MTUS1: variants seen among roughly 807,000 people sequenced by gnomAD.
MTUS1 encodes the protein microtubule-associated tumor suppressor 1.
A neutral mutation model predicts 120.8 loss-of-function variants in MTUS1; 109 were observed. That is an observed-to-expected ratio of 0.90 (90% confidence interval 0.77 to 1.06). The LOEUF is 1.06. Among genes scored for constraint, MTUS1 ranks in the 50% least tolerant of loss-of-function variants. The pLI, the probability that MTUS1 is intolerant of heterozygous loss-of-function variation, is 0.00. For missense variants in MTUS1, 2,210 were observed against 1,486.3 expected (o/e 1.49, Z -8.01); for synonymous variants, 737 against 550.5 (o/e 1.34, Z -4.74).
chr8:17,740,135 G>A (rs748810388), intron 3 of MTUS1, among the ~76,000 whole-genome samples: 2 of 152,018 alleles, frequency 1.3e-5, no homozygotes, highest in Non-Finnish European at 2.9e-5. Flanking sequence ...TTGAACCCAG[G>A]AGGCGGAGGT....
intron 7 of MTUS1, among the ~76,000 whole-genome samples, chr8:17,678,188 C>G (rs1289597968): frequency 6.6e-6 from 1 of 152,172 alleles, no homozygotes; most frequent in Non-Finnish European, 1.5e-5. Context: ...TGTACTTACC[C>G]TTTACTTGTA....
At chr8:17,719,547 G>A (rs942619717) in intron 4 of MTUS1, among the ~76,000 whole-genome samples, 2 of 152,202 alleles carry the variant, frequency 1.3e-5, no homozygotes, top group East Asian at 1.9e-4. Flanking sequence ...ATTCAGAAGT[G>A]CGTAAGTACT....
At chr8:17,737,230 G>A (rs1395260867) in intron 3 of MTUS1, among the ~76,000 whole-genome samples, 2 of 152,160 alleles carry the variant, frequency 1.3e-5, no homozygotes, top group African/African-American at 2.4e-5. Context: ...CTTTGGACAC[G>A]TTACTGAAGC....
At chr8:17,679,285 AACAT>A (rs1411850089) in intron 7 of MTUS1, among the ~76,000 whole-genome samples, 3 of 151,960 alleles carry the variant, frequency 2.0e-5, no homozygotes, top group Non-Finnish European at 2.9e-5. Flanking sequence ...GTATATAAAA[AACAT>A]ACATAATGTA....
intron 13 of MTUS1, among the ~76,000 whole-genome samples, chr8:17,648,424 T>A (rs909129104): frequency 6.6e-6 from 1 of 152,216 alleles, no homozygotes; most frequent in African/African-American, 2.4e-5. Context: ...TGCACATGAT[T>A]TTTTGAAAGT....
intron 1 of MTUS1, among the ~76,000 whole-genome samples, chr8:17,771,668 G>A (rs1013565586): frequency 2.0e-5 from 3 of 152,264 alleles, no homozygotes; most frequent in East Asian, 3.9e-4. Flanking sequence ...GGCAGTCTAC[G>A]CATGAAAACA....
chr8:17,784,551 T>G (rs1255489793), intron 1 of MTUS1, among the ~76,000 whole-genome samples: 1 of 152,144 alleles, frequency 6.6e-6, no homozygotes, highest in African/African-American at 2.4e-5. Flanking sequence ...TGCCTCGGCC[T>G]CCCAAAGTAT....
intron 6 of MTUS1, among the ~76,000 whole-genome samples, chr8:17,694,444 T>G (rs749060457): frequency 6.6e-6 from 1 of 152,144 alleles, no homozygotes; most frequent in African/African-American, 2.4e-5. Flanking sequence ...GGCAGGCGAA[T>G]TGCCTGAGGT....
chr8:17,652,345 G>T (rs4507805), intron 12 of MTUS1, among the ~76,000 whole-genome samples: 3,342 of 152,250 alleles, frequency 0.022, 121 homozygotes, highest in African/African-American at 0.075. Context: ...CTACACCACG[G>T]ATGAACCTTG....
chr8:17,755,112 T>C lies in MTUS1; in HGVS notation c.696A>G (p.Gln232=), dbSNP rs200675181. Residue 232 remains glutamine, a synonymous_variant, in exon 2 of 15, where the codon CAA becomes CAG. Coordinates refer to ENST00000693296, the MANE Select transcript of MTUS1 (RefSeq NM_001363059.2). ...TGTCTTGGGCTTCTGATGGTGTGAC[T>C]TGAGGGTTTTCAAAGCTTTCTCTAT... ...TYDRESFENP[Q]VTPSEAQDMT... 94 of 1,614,044 alleles carry C rather than the reference T, an allele frequency of 5.8e-5. 1 individual carries two copies. The African/African-American group carries it at 1.0e-3, about 17-fold the overall frequency.
chr8:17,793,378 T>C (rs1456381362), intron 1 of MTUS1, among the ~76,000 whole-genome samples: 4 of 151,834 alleles, frequency 2.6e-5, no homozygotes, highest in African/African-American at 9.7e-5. Flanking sequence ...AAACAATGGA[T>C]GAGGGGGTGA....
chr8:17,672,001 G>C (rs3088302), intron 8 of MTUS1, among the ~76,000 whole-genome samples: 27 of 152,106 alleles, frequency 1.8e-4, no homozygotes, highest in African/African-American at 6.3e-4. Flanking sequence ...CATACTCAAA[G>C]AAGTTAGGTA....
rs1563302478 is a variant in MTUS1, at chr8:17,742,297, T to TG, written c.2287+1306_2287+1307insC. Among the ~76,000 whole-genome samples the TG allele has an allele frequency of 8.9e-3, 1,263 of 142,204 alleles. 45 individuals are homozygous for TG. The highest frequency in any genetic ancestry group is 0.032 in the African/African-American group (1,196 of 36,878). The allele number at this position is 142,204 out of a possible 152,430, so 93.3% of individuals were successfully genotyped here. A position where few individuals can be genotyped will look rare whatever the true frequency, so the allele number is the denominator to read the frequency against. On this transcript the variant is annotated intron_variant, in intron 3 of 14. Coordinates refer to ENST00000693296, the MANE Select transcript of MTUS1 (RefSeq NM_001363059.2). Reference sequence around the variant, plus strand: ...TTTTTTTTTTGTTGTTGTTGTTTTTTTTTTTTTTTTTTTTAGAGATAGTGT... The same window carrying TG: ...TTTTTTTTTTGTTGTTGTTGTTTTTTGTTTTTTTTTTTTTTAGAGATAGTGT...
chr8:17,750,137 T>A (rs1019295806), intron 2 of MTUS1, among the ~76,000 whole-genome samples: 7 of 152,206 alleles, frequency 4.6e-5, no homozygotes, highest in African/African-American at 1.7e-4. Flanking sequence ...TAGATACACA[T>A]AAAGCCCAAT....
intron 1 of MTUS1, chr8:17,780,795 C>G (rs1205741267): frequency 3.9e-5 from 6 of 152,182 alleles, no homozygotes; most frequent in Non-Finnish European, 7.3e-5. Flanking sequence ...TTCCTCAGTC[C>G]AAGCCTTCTA....
At chr8:17,661,957 T>C (rs1490357685) in intron 8 of MTUS1, among the ~76,000 whole-genome samples, 12 of 152,178 alleles carry the variant, frequency 7.9e-5, no homozygotes, top group Admixed American at 7.9e-4. Flanking sequence ...TTATTTGGCA[T>C]AAAGACTCAT....
intron 6 of MTUS1, among the ~76,000 whole-genome samples, chr8:17,705,259 C>G (rs1374478750): frequency 6.6e-6 from 1 of 152,222 alleles, no homozygotes. Context: ...GTTGGGATTA[C>G]AGGCGTGAGC....
intron 1 of MTUS1, among the ~76,000 whole-genome samples, chr8:17,793,389 G>A (rs1229635284): frequency 6.6e-6 from 1 of 152,054 alleles, no homozygotes; most frequent in Non-Finnish European, 1.5e-5. Flanking sequence ...GAGGGGGTGA[G>A]GGCAAGAGGA....
intron 6 of MTUS1, among the ~76,000 whole-genome samples, chr8:17,687,314 G>C (rs572153291): frequency 1.3e-5 from 2 of 152,054 alleles, no homozygotes; most frequent in Non-Finnish European, 2.9e-5. Context: ...AGCACTCCTG[G>C]CTCAGCTGAA....
Sources: gnomAD v4.1 joint callset for allele counts (sites outside exome capture counted in the v4.1 genomes callset) on GRCh38, gnomAD v4.1.1 for gene constraint, MANE v1.5 for transcripts, NCBI Gene and HGNC (gene_info 2026-07-23, HGNC 2026-07-21) for gene names.